MPP1: variants seen among roughly 807,000 people sequenced by gnomAD.
MPP1 encodes the protein 55 kDa erythrocyte membrane protein.
In MPP1, 6 loss-of-function variants were observed where a neutral mutation model predicts 38.2. The observed-to-expected ratio is 0.16, with a 90% confidence interval of 0.09 to 0.31. MPP1 has a LOEUF of 0.31. Ranked by LOEUF, MPP1 falls within the 10% of genes least tolerant of loss-of-function variation. The probability of loss-of-function intolerance (pLI) is 1.00; values close to 1 mark genes in which losing one functional copy is unlikely to be tolerated. For missense variants in MPP1, 293 were observed against 368.9 expected (o/e 0.79, Z 1.69); for synonymous variants, 153 against 146.3 (o/e 1.05, Z -0.33).
chrX:154,796,626 A>G (rs888192393), intron 1 of MPP1, among the ~76,000 whole-genome samples: 1 of 112,238 alleles, frequency 8.9e-6, no homozygotes, highest in African/African-American at 3.2e-5. Context: ...TGGATTGGCA[A>G]CCAGTTATAA....
chrX:154,799,649 G>A, intron 1 of MPP1: 2 of 980,575 alleles, frequency 2.0e-6, no homozygotes, highest in South Asian at 2.7e-5. Flanking sequence ...CAGAGCTATG[G>A]CAGGCCTGCC....
Position 154,789,971 on chromosome X carries a change from G to A in MPP1, c.463C>T (p.Arg155Cys), listed in dbSNP as rs1247490503. 30 of 1,201,173 alleles carry A rather than the reference G, an allele frequency of 2.5e-5. No homozygotes were observed. Among genetic ancestry groups the A allele is most frequent in the Non-Finnish European group, 3.3e-5 (29 of 888,877 alleles). ...CCACCCACCTGTAGTGCAGGAAGAC[G>A]GCTTTGCTGGTTGGGAATTACTTTT... ...SLKVIPNQQSRLPALQMFMRA... is the reference protein window; with the variant it reads ...SLKVIPNQQSCLPALQMFMRA... The change falls in exon 5 of 12, where the codon CGT (arginine) becomes TGT (cysteine). Residue 155 changes from arginine (R) to cysteine (C), a missense_variant. Transcript: ENST00000369534.
intron 1 of MPP1, among the ~76,000 whole-genome samples, chrX:154,797,120 T>C (rs1557268229): frequency 8.9e-6 from 1 of 112,288 alleles, no homozygotes; most frequent in South Asian, 3.6e-4. Context: ...GTCTCTGTTT[T>C]GTTTAGTAAA....
intron 11 of MPP1, among the ~76,000 whole-genome samples, chrX:154,779,978 CAA>C (rs782740821): frequency 8.9e-6 from 1 of 112,639 alleles, no homozygotes; most frequent in African/African-American, 3.2e-5. Flanking sequence ...CTCGGCCTCT[CAA>C]AGTGCTGGGA....
chrX:154,796,349 T>C (rs1557268159), intron 1 of MPP1, among the ~76,000 whole-genome samples: 1 of 111,218 alleles, frequency 9.0e-6, no homozygotes, highest in Non-Finnish European at 1.9e-5. Context: ...CAGACTGGTC[T>C]GGAACTCCTG....
At chrX:154,781,116 A>C (rs915449241) in intron 11 of MPP1, 123 bp downstream of exon 11, 41 of 608,634 alleles carry the variant, frequency 6.7e-5, no homozygotes, top group Non-Finnish European at 1.0e-4. Context: ...TTGGCCCTGG[A>C]GGAAGAAGCC....
chrX:154,780,655 T>C (rs1418013027), intron 11 of MPP1, among the ~76,000 whole-genome samples: 1 of 111,424 alleles, frequency 9.0e-6, no homozygotes, highest in Admixed American at 9.4e-5. Flanking sequence ...TTTGCACACA[T>C]GTGCTATATG....
At chrX:154,800,752 T>A (rs1443741616) in intron 1 of MPP1, among the ~76,000 whole-genome samples, 1 of 112,193 alleles carries the variant, frequency 8.9e-6, no homozygotes, top group Non-Finnish European at 1.9e-5. Flanking sequence ...AGCATGGACT[T>A]TGGAGTTTGT....
chrX:154,803,724 C>T (rs1221328809), intron 1 of MPP1, among the ~76,000 whole-genome samples: 2 of 112,432 alleles, frequency 1.8e-5, no homozygotes, highest in African/African-American at 6.5e-5. Flanking sequence ...AATGTTTATT[C>T]TTTGTCATGA....
intron 5 of MPP1, among the ~76,000 whole-genome samples, chrX:154,789,549 G>A (rs782746181): frequency 6.2e-4 from 69 of 111,816 alleles, no homozygotes; most frequent in African/African-American, 2.1e-3. Flanking sequence ...TTTGATGATC[G>A]GTAAGATAAA....
intron 1 of MPP1, chrX:154,792,513 A>C: frequency 8.5e-6 from 3 of 351,763 alleles, no homozygotes; most frequent in South Asian, 8.1e-5. Context: ...CTACAGTCCC[A>C]GGGCAACAGA....
intron 7 of MPP1, chrX:154,784,603 G>GT (rs1439408416): frequency 8.3e-6 from 2 of 239,613 alleles, no homozygotes; most frequent in African/African-American, 5.8e-5. Flanking sequence ...TGGTGTGCAC[G>GT]TGACGTCTCA....
chrX:154,783,336 T>G, intron 9 of MPP1, 91 bp downstream of exon 9: 5 of 494,207 alleles, frequency 1.0e-5, no homozygotes, highest in Non-Finnish European at 1.5e-5. Flanking sequence ...ATAAAATAAT[T>G]TAAAAAATAA....
intron 1 of MPP1, among the ~76,000 whole-genome samples, chrX:154,803,513 C>T (rs1226558872): frequency 8.9e-6 from 1 of 112,248 alleles, no homozygotes; most frequent in African/African-American, 3.2e-5. Flanking sequence ...CAAAAAGGCA[C>T]AGTCTTTCAA....
chrX:154,784,234 C>T (rs5945238), intron 7 of MPP1, 126 bp from the exon 8 acceptor site: 65,689 of 532,246 alleles, frequency 0.12, 3,418 homozygotes, highest in South Asian at 0.39. Context: ...AGAGATGAGA[C>T]GAGGGAGGTT....
intron 5 of MPP1, among the ~76,000 whole-genome samples, chrX:154,787,692 G>A (rs1251828537): frequency 3.6e-5 from 4 of 111,501 alleles, no homozygotes; most frequent in Admixed American, 1.9e-4. Context: ...GGTTGGTCTC[G>A]AACTCCTGGG....
chrX:154,802,704 C>G (rs1168518939), intron 1 of MPP1, among the ~76,000 whole-genome samples: 12 of 111,591 alleles, frequency 1.1e-4, no homozygotes, highest in African/African-American at 3.6e-4. Context: ...TTAGTTTATC[C>G]AAGGAAGGAG....
At chrX:154,791,279 ACCTTGT>A (rs2072139525) in intron 3 of MPP1, 1 of 407,245 alleles carries the variant, frequency 2.5e-6, no homozygotes, top group Non-Finnish European at 4.3e-6. Context: ...ACAATAAAAC[ACCTTGT>A]CCTCAAATTC....
intron 1 of MPP1, 44 bp downstream of exon 1, chrX:154,805,228 C>A: frequency 8.8e-7 from 1 of 1,135,497 alleles, no homozygotes. Flanking sequence ...GATGAATGGC[C>A]GAGCCCCGGC....
Sources: gnomAD v4.1 joint callset for allele counts (sites outside exome capture counted in the v4.1 genomes callset) on GRCh38, gnomAD v4.1.1 for gene constraint, MANE v1.5 for transcripts, NCBI Gene and HGNC (gene_info 2026-07-23, HGNC 2026-07-21) for gene names.